The following MTHFD2L variants were observed in gnomAD, a reference collection of about 807,000 sequenced individuals.
MTHFD2L encodes methylenetetrahydrofolate dehydrogenase (NADP+ dependent) 2 like.
In MTHFD2L, 29 loss-of-function variants were observed where a neutral mutation model predicts 34.9. The observed-to-expected ratio is 0.83, with a 90% CI of 0.62 to 1.13. MTHFD2L has a LOEUF of 1.13. Ranked by LOEUF, MTHFD2L falls within the 50% of genes most tolerant of loss-of-function variation. The probability of loss-of-function intolerance (pLI) is 0.00; values close to 1 mark genes in which losing one functional copy is unlikely to be tolerated. For missense variants in MTHFD2L, 481 were observed against 446.5 expected, an observed-to-expected ratio of 1.08 and a Z score of -0.70; for synonymous variants, 167 against 155.7, an observed-to-expected ratio of 1.07 and a Z score of -0.54.
chr4:74,132,626 G>A (rs1578231558), intron 1 of MTHFD2L, among the ~76,000 whole-genome samples: 1 of 152,012 alleles, frequency 6.6e-6, no homozygotes, highest in African/African-American at 2.4e-5. Flanking sequence ...ATTAGGAGAA[G>A]TACCTAATGT....
At chr4:74,244,761 C>T (rs373133916) in intron 6 of MTHFD2L, among the ~76,000 whole-genome samples, 17 of 152,070 alleles carry the variant, frequency 1.1e-4, no homozygotes, top group South Asian at 2.1e-4. Flanking sequence ...TTGCAATTAA[C>T]GTTTAAGAAA....
At chr4:74,194,275 C>CA (rs1414759382) in intron 3 of MTHFD2L, 1 of 152,118 alleles carries the variant, frequency 6.6e-6, no homozygotes, top group Admixed American at 6.6e-5. Flanking sequence ...ACGGTGTTAG[C>CA]CCCAAACTTC....
intron 5 of MTHFD2L, among the ~76,000 whole-genome samples, chr4:74,216,102 A>G (rs1007187980): frequency 6.6e-6 from 1 of 152,056 alleles, no homozygotes; most frequent in South Asian, 2.1e-4. Flanking sequence ...ACAGAAAACT[A>G]TAAAATAAAT....
chr4:74,164,974 C>A (rs780246429), intron 1 of MTHFD2L: 40 of 985,180 alleles, frequency 4.1e-5, no homozygotes, highest in Non-Finnish European at 4.8e-5. Context: ...CAGGGCACAT[C>A]ATGTAAACAA....
intron 6 of MTHFD2L, among the ~76,000 whole-genome samples, chr4:74,271,803 C>T (rs1342492962): frequency 6.6e-6 from 1 of 152,194 alleles, no homozygotes; most frequent in Non-Finnish European, 1.5e-5. Flanking sequence ...TATCCATGAG[C>T]ATGGAATGTT....
Position 74,158,277 on chromosome 4 carries a change from G to A in MTHFD2L, c.139G>A (p.Val47Met). The A allele has an allele frequency of 7.1e-7, 1 of 1,412,908 alleles. No homozygotes were observed. The highest frequency in any genetic ancestry group is 1.6e-5 in the South Asian group (1 of 62,986). 87.5% of individuals were successfully genotyped at this position (1,412,908 alleles called of 1,614,324 possible). Residue 47 changes from valine to methionine, a missense_variant, in exon 1 of 8, where the codon GTG becomes ATG. Coordinates refer to ENST00000325278, the MANE Select transcript of MTHFD2L (RefSeq NM_001144978.3). The stretch of plus-strand genomic sequence containing the variant: ...GTTCCGGGGCTTTCGGAGCAGCGGT[G>A]TGAGGTACGAGGGCTGCGGGCGCCG... ...SAFRGFRSSG[V>M]RHEAIIISGT...
At chr4:74,171,176 A>C (rs1452350972) in intron 1 of MTHFD2L, among the ~76,000 whole-genome samples, 2 of 152,148 alleles carry the variant, frequency 1.3e-5, no homozygotes, top group African/African-American at 4.8e-5. Flanking sequence ...CTACTAAACA[A>C]TGGGCAAAAG....
intron 3 of MTHFD2L, among the ~76,000 whole-genome samples, chr4:74,181,454 T>C (rs1263692577): frequency 2.6e-5 from 4 of 152,166 alleles, no homozygotes; most frequent in African/African-American, 9.7e-5. Context: ...AAGAGTGAAC[T>C]GAGTAACTGG....
At position 74,180,930 on chromosome 4, in the gene MTHFD2L, AT is replaced by A. The variant is rs201904718; in HGVS notation, c.451+5536del. The A allele has an allele frequency of 7.6e-3, 1,329 of 175,776 alleles. 14 individuals are homozygous for A. The highest frequency in any genetic ancestry group is 0.026 in the African/African-American group (1,090 of 41,802). 10.9% of individuals were successfully genotyped at this position (175,776 alleles called of 1,614,324 possible). On this transcript the variant is annotated intron_variant, in intron 3 of 7. Transcript: ENST00000325278. ...TTCTTCTAAGTAGGCATTTTATTTT[AT>A]TTTTTTTTAGCTTTTATTGAGTTAT... is the stretch of plus-strand genomic sequence containing the variant.
intron 1 of MTHFD2L, among the ~76,000 whole-genome samples, chr4:74,148,347 TTTTATTTA>T (rs1298848631): frequency 1.2e-3 from 159 of 137,670 alleles, no homozygotes; most frequent in South Asian, 3.8e-3. Flanking sequence ...TTCCCACACA[TTTTATTTA>T]TTTATTTATT....
intron 6 of MTHFD2L, among the ~76,000 whole-genome samples, chr4:74,237,501 T>C (rs751790623): frequency 4.6e-5 from 7 of 152,044 alleles, no homozygotes; most frequent in Non-Finnish European, 1.0e-4. Context: ...ATACAAAAAT[T>C]AGCTGGGCGT....
chr4:74,220,926 G>GT (rs1386359990), intron 5 of MTHFD2L, among the ~76,000 whole-genome samples: 1 of 149,504 alleles, frequency 6.7e-6, no homozygotes, highest in Non-Finnish European at 1.5e-5. Context: ...TCTTATTTCT[G>GT]TTTTATTGAT....
At chr4:74,257,204 T>G (rs1417942270) in intron 6 of MTHFD2L, among the ~76,000 whole-genome samples, 2 of 152,200 alleles carry the variant, frequency 1.3e-5, no homozygotes, top group Admixed American at 6.5e-5. Context: ...TCTAGGTATT[T>G]TGTATGTGCT....
intron 5 of MTHFD2L, among the ~76,000 whole-genome samples, chr4:74,204,335 G>A (rs779259609): frequency 1.3e-5 from 2 of 152,140 alleles, no homozygotes; most frequent in African/African-American, 2.4e-5. Flanking sequence ...CTAACATATA[G>A]TAAGTTAAGT....
At chr4:74,148,389 T>TTATTTATTTATC (rs1396814009) in intron 1 of MTHFD2L, among the ~76,000 whole-genome samples, 1 of 118,024 alleles carries the variant, frequency 8.5e-6, no homozygotes, top group African/African-American at 3.1e-5. Flanking sequence ...ATTTATTTAT[T>TTATTTATTTATC]TATCTATCTA....
chr4:74,259,545 G>A (rs1340946873), intron 6 of MTHFD2L, among the ~76,000 whole-genome samples: 3 of 152,142 alleles, frequency 2.0e-5, no homozygotes, highest in Non-Finnish European at 4.4e-5. Flanking sequence ...GTTTTGCTTT[G>A]AAAAACAGGT....
At chr4:74,185,738 T>A (rs1410567706) in intron 3 of MTHFD2L, among the ~76,000 whole-genome samples, 1 of 152,206 alleles carries the variant, frequency 6.6e-6, no homozygotes, top group Non-Finnish European at 1.5e-5. Context: ...AGAAATGTCT[T>A]AATAGCTCTG....
At chr4:74,275,093 G>A (rs1746444717) in intron 6 of MTHFD2L, among the ~76,000 whole-genome samples, 2 of 151,900 alleles carry the variant, frequency 1.3e-5, no homozygotes, top group African/African-American at 2.4e-5. Context: ...TATTTGTCCT[G>A]ATGCTCACCC....
chr4:74,233,001 T>G (rs1362397980), intron 6 of MTHFD2L, among the ~76,000 whole-genome samples: 1 of 150,386 alleles, frequency 6.6e-6, no homozygotes, highest in African/African-American at 2.4e-5. Flanking sequence ...CCATAATATT[T>G]ATCGTATTGG....
Sources: gnomAD v4.1 joint callset for allele counts (sites outside exome capture counted in the v4.1 genomes callset) on GRCh38, gnomAD v4.1.1 for gene constraint, MANE v1.5 for transcripts, NCBI Gene and HGNC (gene_info 2026-07-23, HGNC 2026-07-21) for gene names.